The following STK32C variants were observed in gnomAD, a reference collection of about 807,000 sequenced individuals.
The protein encoded by STK32C is serine/threonine kinase 32C, also known as serine/threonine-protein kinase 32C.
STK32C carries 31 observed loss-of-function variants against 56.5 expected under a neutral mutation model. That is an observed-to-expected ratio of 0.55 (90% CI 0.41 to 0.74). The LOEUF is 0.74. STK32C is among the 30% of genes least tolerant of loss of function. The pLI is 0.00. For synonymous variants in STK32C, 309 were observed against 289.4 expected, an observed-to-expected ratio of 1.07 and a Z score of -0.69; for missense variants, 544 against 676.9, an observed-to-expected ratio of 0.80 and a Z score of 2.18.
intron 1 of STK32C, among the ~76,000 whole-genome samples, chr10:132,272,580 T>C (rs2064863726): frequency 6.6e-6 from 1 of 152,080 alleles, no homozygotes; most frequent in African/African-American, 2.4e-5. Context: ...TGTCGGGAAA[T>C]CCTGCAGGCT....
chr10:132,284,437 G>GCA, intron 1 of STK32C, among the ~76,000 whole-genome samples: 1 of 69,944 alleles, frequency 1.4e-5, no homozygotes, highest in Admixed American at 1.3e-4. Context: ...AGGTGAGGTT[G>GCA]GGAGGGCAGG....
chr10:132,259,551 G>A (rs754619940), intron 1 of STK32C, among the ~76,000 whole-genome samples: 15 of 152,096 alleles, frequency 9.9e-5, no homozygotes, highest in East Asian at 7.7e-4. Flanking sequence ...AGATCTGGGC[G>A]TCTGAAAGTG....
At chr10:132,226,715 GC>G in intron 4 of STK32C, 79 bp downstream of exon 4, 1 of 1,534,450 alleles carries the variant, frequency 6.5e-7, no homozygotes, top group Non-Finnish European at 8.8e-7. Context: ...GAGTACGGCC[GC>G]CGTGCCGGCA....
At chr10:132,222,820 C>A (rs1305932826) in intron 9 of STK32C, 41 bp downstream of exon 9, 3 of 1,593,090 alleles carry the variant, frequency 1.9e-6, no homozygotes, top group Admixed American at 1.7e-5. Flanking sequence ...GACGCCACAT[C>A]CATCCCCAGG....
At chr10:132,294,283 C>T (rs2065668047) in intron 1 of STK32C, among the ~76,000 whole-genome samples, 1 of 152,070 alleles carries the variant, frequency 6.6e-6, no homozygotes, top group South Asian at 2.1e-4. Context: ...GGTTGGGGAT[C>T]AGGAGTGTCA....
At chr10:132,325,571 GTTC>G (rs902056112) in intron 1 of STK32C, among the ~76,000 whole-genome samples, 3 of 151,078 alleles carry the variant, frequency 2.0e-5, no homozygotes, top group Non-Finnish European at 3.0e-5. Flanking sequence ...AAAAGGGGGA[GTTC>G]CCTGCACAAG....
chr10:132,264,152 T>C (rs904240443), intron 1 of STK32C, among the ~76,000 whole-genome samples: 3 of 151,946 alleles, frequency 2.0e-5, no homozygotes, highest in Non-Finnish European at 4.4e-5. Context: ...TGCAGTTAGA[T>C]AGAGGTGGTG....
intron 1 of STK32C, among the ~76,000 whole-genome samples, chr10:132,326,051 C>A (rs1488779867): frequency 1.3e-5 from 2 of 152,058 alleles, no homozygotes; most frequent in African/African-American, 4.8e-5. Context: ...TGAAAATGGA[C>A]TAACATGGTT....
exon 1 of STK32C, chr10:132,331,627 C>T (rs757898090): frequency 6.2e-7 from 1 of 1,612,896 alleles, no homozygotes; most frequent in Non-Finnish European, 8.5e-7. Context: ...GGACAGGCAG[C>T]GAGGACCGCT....
intron 1 of STK32C, among the ~76,000 whole-genome samples, chr10:132,331,007 C>T (rs937105032): frequency 2.7e-5 from 4 of 150,812 alleles, no homozygotes; most frequent in African/African-American, 9.7e-5. Flanking sequence ...TCGAGACCAG[C>T]CTGGCCAACA....
At chr10:132,215,961 T>C (rs779895563) in intron 10 of STK32C, among the ~76,000 whole-genome samples, 8 of 152,238 alleles carry the variant, frequency 5.3e-5, no homozygotes, top group Admixed American at 1.3e-4. Flanking sequence ...GCTCTTGTTA[T>C]GCTTTAAGCA....
Position 132,307,307 on chromosome 10 carries a change from C to T in STK32C, c.262+265G>A. ...GCGGAGGCGCGCGCAAGCCCGGAGA[C>T]GCCACAGCCGCGGGGGACCCTCGCC... On this transcript the variant is annotated intron_variant, in intron 1 of 11. Coordinates refer to ENST00000298630, the MANE Select transcript of STK32C (RefSeq NM_173575.4). This position sits in a 1 kb window ranked among gnomAD's most constrained non-coding sequence, Gnocchi z 4.4. 3.2e-6 allele frequency: 1 copy of T among 312,024 alleles called. No homozygotes were observed. Among genetic ancestry groups the T allele is most frequent in the Non-Finnish European group, 5.8e-6 (1 of 171,280 alleles). The allele number at this position is 312,024 out of a possible 1,614,324, so 19.3% of individuals were successfully genotyped here. A position where few individuals can be genotyped will look rare whatever the true frequency, so the allele number is the denominator to read the frequency against.
chr10:132,331,011 G>A (rs1219135953), intron 1 of STK32C, among the ~76,000 whole-genome samples: 3 of 150,972 alleles, frequency 2.0e-5, no homozygotes, highest in Non-Finnish European at 4.4e-5. Context: ...GACCAGCCTG[G>A]CCAACATGAT....
chr10:132,321,054 G>A (rs2066397520), downstream of STK32C, among the ~76,000 whole-genome samples: 1 of 152,244 alleles, frequency 6.6e-6, no homozygotes, highest in African/African-American at 2.4e-5. Flanking sequence ...TGTCAGGTGG[G>A]AGGGAGCAGA....
chr10:132,262,831 T>C (rs1448164101), intron 1 of STK32C, among the ~76,000 whole-genome samples: 2 of 148,828 alleles, frequency 1.3e-5, no homozygotes, highest in African/African-American at 2.5e-5. Flanking sequence ...CCAACAAGCA[T>C]ATGAAAAACA....
intron 10 of STK32C, among the ~76,000 whole-genome samples, chr10:132,210,720 C>T (rs1490131142): frequency 6.6e-6 from 1 of 152,238 alleles, no homozygotes; most frequent in Non-Finnish European, 1.5e-5. Flanking sequence ...AGCGGTCTCA[C>T]CTTGCGCCTC....
In STK32C at chr10:132,261,128, A is replaced by G. The variant is rs2064291349; in HGVS notation, c.263-15173T>C. Among the ~76,000 whole-genome samples, 3 of 152,296 alleles carry G rather than the reference A, an allele frequency of 2.0e-5. No homozygotes were observed. The South Asian group carries it at 6.2e-4, about 32-fold the overall frequency. On this transcript the variant is annotated intron_variant, in intron 1 of 11. Coordinates refer to ENST00000298630, the MANE Select transcript of STK32C (RefSeq NM_173575.4). ...ACTACGAGCTTAGGCCTTGGAGACG[A>G]TCACTGCTTCCCATGCGGAGGACTC... is the stretch of plus-strand genomic sequence containing the variant.
At chr10:132,248,665 G>T (rs1178857074) in intron 1 of STK32C, among the ~76,000 whole-genome samples, 1 of 152,232 alleles carries the variant, frequency 6.6e-6, no homozygotes, top group Non-Finnish European at 1.5e-5. Context: ...GCATGCCTAG[G>T]ACGGCCACAT....
At chr10:132,242,179 G>A (rs1338831157) in intron 2 of STK32C, among the ~76,000 whole-genome samples, 1 of 152,080 alleles carries the variant, frequency 6.6e-6, no homozygotes, top group Non-Finnish European at 1.5e-5. Flanking sequence ...GATCGTGAAT[G>A]AGGCAGTGCT....
Sources: allele counts gnomAD v4.1 joint callset (sites outside exome capture counted in the v4.1 genomes callset), GRCh38; gene constraint gnomAD v4.1.1; non-coding constraint Gnocchi (gnomAD v3.1); transcripts MANE v1.5; gene names NCBI Gene and HGNC (gene_info 2026-07-23, HGNC 2026-07-21).